The following BEST1 variants were observed in gnomAD, a reference collection of about 807,000 sequenced individuals.
The protein encoded by BEST1 is bestrophin 1.
In BEST1, 58 loss-of-function variants were observed where a neutral mutation model predicts 63.3. That is an observed-to-expected ratio of 0.92 (90% CI 0.74 to 1.14). The LOEUF (loss-of-function observed/expected upper bound fraction) is 1.14. BEST1 is among the 50% of genes most tolerant of loss of function. BEST1 has a pLI of 0.00. For synonymous variants in BEST1, 283 were observed against 291.6 expected (o/e 0.97, Z 0.30); for missense variants, 671 against 740.1 (o/e 0.91, Z 1.08).
chr11:61,963,446 CAAAATACTT>C, intron 10 of BEST1: 1 of 1,143,290 alleles, frequency 8.7e-7, no homozygotes, highest in South Asian at 3.7e-5. Context: ...GGAACCTCAC[CAAAATACTT>C]CTTGCTTCCT....
chr11:61,957,235 GAGACACAA>G, intron 5 of BEST1, 144 bp from the exon 6 acceptor site: 1 of 910,212 alleles, frequency 1.1e-6, no homozygotes, highest in Non-Finnish European at 1.8e-6. Context: ...TGAGGAAGCT[GAGACACAA>G]AGAGGTTTAG....
At chr11:61,964,867 A>T, downstream of BEST1, 1 of 1,605,232 alleles carries the variant, frequency 6.2e-7, no homozygotes, top group Non-Finnish European at 8.5e-7. Context: ...TCATTCAGGT[A>T]ATGTGTCTCA....
chr11:61,962,543 C>T lies in BEST1; in HGVS notation c.1389C>T (p.Gly463=). The change falls in exon 10 of 11, where the codon GGC becomes GGT. Residue 463 remains glycine, a synonymous_variant. Transcript: ENST00000378043. ...CTGCCCCACTGTATCAGAGGCCAGG[C>T]TACTACAGTGCCCCACAGACGCCCC... ...FKSAPLYQRP[G]YYSAPQTPLS... 3 of 1,614,182 alleles carry T rather than the reference C, an allele frequency of 1.9e-6. No homozygotes were observed. Among genetic ancestry groups the T allele is most frequent in the Non-Finnish European group, 2.5e-6 (3 of 1,180,020 alleles).
intron 10 of BEST1, 199 bp from the exon 11 acceptor site, chr11:61,963,905 G>A: frequency 7.3e-7 from 1 of 1,377,322 alleles, no homozygotes; most frequent in Admixed American, 2.6e-5. Context: ...GAGGTTGAGG[G>A]GAGAATTGCT....
At chr11:61,965,235 A>C, downstream of BEST1, 1 of 1,587,120 alleles carries the variant, frequency 6.3e-7, no homozygotes, top group South Asian at 1.1e-5. Context: ...TTTAGATGGT[A>C]AGCCTAAAAA....
chr11:61,956,377 C>T (rs1238735339), intron 4 of BEST1, among the ~76,000 whole-genome samples: 1 of 152,104 alleles, frequency 6.6e-6, no homozygotes, highest in South Asian at 2.1e-4. Context: ...CCAGGCTAGG[C>T]GTGGTGGCTG....
intron 4 of BEST1, 28 bp downstream of exon 4, chr11:61,955,979 C>A (rs1193018014): frequency 6.5e-7 from 1 of 1,538,128 alleles, no homozygotes; most frequent in Non-Finnish European, 8.8e-7. Context: ...AACGGGGAGG[C>A]ACCGGGCAGA....
rs201492421 is a variant in BEST1 at position 61,962,780 on chromosome 11, G to A, written c.1626G>A (p.Thr542=). ...VRRKTVEFNL[T]DMPEIPENHL... ...GGAAAACTGTGGAGTTTAACCTGAC[G>A]GATATGCCAGAGATCCCCGAAAATC... Residue 542 remains threonine (T), a synonymous_variant, in exon 10 of 11, where the codon ACG becomes ACA. Transcript: ENST00000378043. 5.6e-6 allele frequency: 9 copies of A among 1,614,050 alleles called. No homozygotes were observed. Among genetic ancestry groups the A allele is most frequent in the East Asian group, 2.2e-5 (1 of 44,892 alleles).
chr11:61,953,792 G>T (rs756750150), intron 2 of BEST1, among the ~76,000 whole-genome samples: 1 of 151,712 alleles, frequency 6.6e-6, no homozygotes, highest in Non-Finnish European at 1.5e-5. Context: ...AGGCTGAAGC[G>T]GGAGGATTGC....
intron 1 of BEST1, among the ~76,000 whole-genome samples, chr11:61,950,802 A>C (rs553660541): frequency 1.3e-5 from 2 of 152,298 alleles, no homozygotes; most frequent in African/African-American, 4.8e-5. Context: ...TAGAAATATC[A>C]AGCAAGGTGA....
At position 61,960,038 on chromosome 11, in the gene BEST1, C is replaced by T. The variant is rs1298116988; in HGVS notation, c.1095C>T (p.Asn365=). 5 of 1,608,224 alleles carry T rather than the reference C, an allele frequency of 3.1e-6. No homozygotes were observed. Among genetic ancestry groups the T allele is most frequent in the South Asian group, 1.1e-5 (1 of 89,958 alleles). ...CCTCCTTTATGGGCTCCACCTTCAA[C>T]ATCAGGTGTGGCCAGAGCCAGGGGG... ...RRASFMGSTF[N]ISLNKEEMEF... is the part of the protein sequence containing the mutation. The change falls in exon 9 of 11, where the codon AAC becomes AAT. Residue 365 remains asparagine, a synonymous_variant. Coordinates refer to ENST00000378043, the MANE Select transcript of BEST1 (RefSeq NM_004183.4).
intron 8 of BEST1, 73 bp from the exon 9 acceptor site, chr11:61,959,819 A>G (rs1383756632): frequency 9.5e-6 from 15 of 1,587,258 alleles, no homozygotes; most frequent in Non-Finnish European, 1.3e-5. Flanking sequence ...AGATTCCTCC[A>G]AGTCATCAGG....
At position 61,959,980 on chromosome 11, in the gene BEST1, C is replaced by A. The variant is rs563488311; in HGVS notation, c.1037C>A (p.Pro346His). ...MYWNKPEPQP[P>H]YTAASAQFRR... ...TGGAATAAGCCCGAGCCACAGCCCC[C>A]CTACACAGCTGCTTCCGCCCAGTTC... is the stretch of plus-strand genomic sequence containing the variant. The change falls in exon 9 of 11, where the codon CCC (proline) becomes CAC (histidine). Residue 346 changes from proline (P) to histidine (H), a missense_variant. Physicochemically the swap from Pro to His is moderately conservative, Grantham distance 77 (BLOSUM62 -2). Coordinates refer to ENST00000378043, the MANE Select transcript of BEST1 (RefSeq NM_004183.4). 50 of 1,612,618 alleles carry A rather than the reference C, an allele frequency of 3.1e-5. No homozygotes were observed. The East Asian group carries it at 8.0e-4, about 26-fold the overall frequency.
intron 10 of BEST1, chr11:61,963,188 GGGCTGACAGGCCA>G: frequency 7.0e-7 from 1 of 1,435,488 alleles, no homozygotes; most frequent in Non-Finnish European, 9.1e-7. Context: ...AACTGCCCCA[GGGCTGACAGGCCA>G]GGCTTAGCTG....
chr11:61,963,629 C>G (rs533860393), intron 10 of BEST1: 1 of 1,036,822 alleles, frequency 9.6e-7, no homozygotes, highest in African/African-American at 1.7e-5. Flanking sequence ...ACGGTCAGAA[C>G]ACGCAGCTAT....
rs1020938535 is a variant in BEST1, at chr11:61,957,605, A to G, written c.714+141A>G. 1.5e-5 allele frequency: 12 copies of G among 801,852 alleles called. No individual in the cohort carries two copies. In the African/African-American group the frequency reaches 1.9e-4, roughly 13 times the overall value. 49.7% of individuals were successfully genotyped at this position (801,852 alleles called of 1,614,324 possible). A position where few individuals can be genotyped will look rare whatever the true frequency, so the allele number is the denominator to read the frequency against. ...GTCCACACTTTGAAGTTGGGTCTGG[A>G]CTTTGAAGTGCCAAGTTCTAAGAGT... On this transcript the variant is annotated intron_variant, in intron 6 of 10. Coordinates refer to ENST00000378043, the MANE Select transcript of BEST1 (RefSeq NM_004183.4).
chr11:61,961,977 G>T, intron 9 of BEST1: 1 of 501,960 alleles, frequency 2.0e-6, no homozygotes. Context: ...AGTGAATGAT[G>T]AGGAGGCCTT....
chr11:61,959,544 T>C lies in BEST1; in HGVS notation c.914T>C (p.Phe305Ser), dbSNP rs281865265. 1 of 1,614,160 alleles carries C rather than the reference T, an allele frequency of 6.2e-7. No homozygotes were observed. Among genetic ancestry groups the C allele is most frequent in the Non-Finnish European group, 8.5e-7 (1 of 1,180,024 alleles). ...CCCTTTGGAGAGGATGATGATGATTTTGAGACCAACTGGATTGTCGACAGG... is the reference window on the plus strand; with the variant it reads ...CCCTTTGGAGAGGATGATGATGATTCTGAGACCAACTGGATTGTCGACAGG... ...INPFGEDDDD[F>S]ETNWIVDRNL... Residue 305 changes from phenylalanine to serine, a missense_variant, in exon 8 of 11, where the codon TTT (phenylalanine) becomes TCT (serine). Physicochemically the swap from Phe to Ser is radical, Grantham distance 155. Transcript: ENST00000378043.
chr11:61,964,719 C>G (rs377371056), downstream of BEST1: 1 of 1,597,922 alleles, frequency 6.3e-7, no homozygotes, highest in South Asian at 1.1e-5. Context: ...GGGAAATTAG[C>G]CCGAGGCTTA....
Sources: allele counts gnomAD v4.1 joint callset (sites outside exome capture counted in the v4.1 genomes callset), GRCh38; gene constraint gnomAD v4.1.1; transcripts MANE v1.5; gene names NCBI Gene and HGNC (gene_info 2026-07-23, HGNC 2026-07-21).